The following ADK variants were observed in gnomAD, a reference collection of about 807,000 sequenced individuals.
ADK encodes the protein N6,N6-dimethyladenosine kinase.
Under a neutral mutation model 44.7 loss-of-function variants are expected in ADK, and 24 were observed. The observed-to-expected ratio is 0.54, with a 90% confidence interval of 0.39 to 0.76. The LOEUF (loss-of-function observed/expected upper bound fraction) is 0.76. Ranked by LOEUF, ADK falls within the 30% of genes least tolerant of loss-of-function variation. ADK has a pLI of 0.00. For synonymous variants in ADK, 128 were observed against 142.6 expected (o/e 0.90, Z 0.73); for missense variants, 321 against 425.1 (o/e 0.76, Z 2.15).
intron 3 of ADK, among the ~76,000 whole-genome samples, chr10:74,295,256 G>T (rs1839771081): frequency 6.6e-6 from 1 of 150,746 alleles, no homozygotes; most frequent in African/African-American, 2.4e-5. Flanking sequence ...GAGGTCAGGA[G>T]TTCGAGACCA....
chr10:74,546,634 G>A (rs1849827273), intron 7 of ADK, among the ~76,000 whole-genome samples: 1 of 151,988 alleles, frequency 6.6e-6, no homozygotes. Context: ...AGTCTCTTGA[G>A]TGTTTTATAT....
chr10:74,442,910 C>G (rs921941033), intron 6 of ADK, among the ~76,000 whole-genome samples: 1 of 152,048 alleles, frequency 6.6e-6, no homozygotes, highest in African/African-American at 2.4e-5. Flanking sequence ...ATAGGCCAGA[C>G]ACAAAAATAT....
chr10:74,331,192 G>A (rs1189000355), intron 4 of ADK, among the ~76,000 whole-genome samples: 1 of 152,048 alleles, frequency 6.6e-6, no homozygotes, highest in Non-Finnish European at 1.5e-5. Flanking sequence ...GCTGTGTTTT[G>A]CTTCTTACAG....
chr10:74,569,440 T>A (rs1238629424), intron 7 of ADK, among the ~76,000 whole-genome samples: 7 of 152,238 alleles, frequency 4.6e-5, no homozygotes, highest in Non-Finnish European at 1.0e-4. Flanking sequence ...CAGCACCTGC[T>A]GTTTCCTGAC....
At chr10:74,410,370 T>A (rs892097266) in intron 6 of ADK, among the ~76,000 whole-genome samples, 51 of 152,158 alleles carry the variant, frequency 3.4e-4, no homozygotes, top group Non-Finnish European at 4.7e-4. Context: ...AATTTTTTTT[T>A]AAAAAAGGTA....
chr10:74,438,969 A>G (rs1845292021), intron 6 of ADK, among the ~76,000 whole-genome samples: 1 of 152,240 alleles, frequency 6.6e-6, no homozygotes, highest in Non-Finnish European at 1.5e-5. Flanking sequence ...GGCTGCCTTT[A>G]TCTACATTCT....
chr10:74,221,912 A>G (rs963687622), intron 2 of ADK, among the ~76,000 whole-genome samples: 1 of 152,188 alleles, frequency 6.6e-6, no homozygotes, highest in African/African-American at 2.4e-5. Flanking sequence ...TAAAACCATA[A>G]AAACCCTAGA....
intron 3 of ADK, among the ~76,000 whole-genome samples, chr10:74,300,154 G>C (rs994166825): frequency 4.6e-5 from 7 of 151,566 alleles, no homozygotes; most frequent in Non-Finnish European, 1.0e-4. Flanking sequence ...AAAGTGTTGG[G>C]ATTATAGGTG....
chr10:74,233,019 T>G (rs1380384353), intron 3 of ADK, among the ~76,000 whole-genome samples: 1 of 152,228 alleles, frequency 6.6e-6, no homozygotes, highest in Non-Finnish European at 1.5e-5. Flanking sequence ...CTTAAAATCC[T>G]TAAAGAATTA....
chr10:74,180,152 C>T (rs929244031), intron 1 of ADK, among the ~76,000 whole-genome samples: 12 of 151,722 alleles, frequency 7.9e-5, no homozygotes. Context: ...GTCAGAATAT[C>T]TTGGGCCCCA....
chr10:74,247,395 T>C (rs1367056213), intron 3 of ADK, among the ~76,000 whole-genome samples: 5 of 151,808 alleles, frequency 3.3e-5, no homozygotes, highest in Non-Finnish European at 5.9e-5. Flanking sequence ...CGTGCCACCA[T>C]GCCTGGCTAA....
chr10:74,213,990 A>G (rs1472021519), intron 2 of ADK, among the ~76,000 whole-genome samples: 1 of 152,246 alleles, frequency 6.6e-6, no homozygotes, highest in Non-Finnish European at 1.5e-5. Context: ...TAAAAAGCAT[A>G]AGAAAAATTA....
At chr10:74,378,637 A>G (rs1422986934) in intron 4 of ADK, among the ~76,000 whole-genome samples, 1 of 152,168 alleles carries the variant, frequency 6.6e-6, no homozygotes, top group African/African-American at 2.4e-5. Flanking sequence ...TGGCATAGGG[A>G]ATGTTGGAAC....
chr10:74,221,579 A>G (rs1183404299), intron 2 of ADK, among the ~76,000 whole-genome samples: 1 of 149,260 alleles, frequency 6.7e-6, no homozygotes, highest in Non-Finnish European at 1.5e-5. Flanking sequence ...CTTAAGCCAA[A>G]AGAACAAAGC....
intron 9 of ADK, among the ~76,000 whole-genome samples, chr10:74,621,058 G>C (rs1342697805): frequency 6.6e-6 from 1 of 152,016 alleles, no homozygotes; most frequent in African/African-American, 2.4e-5. Flanking sequence ...CTATACAGAA[G>C]CTTTTCAGTT....
chr10:74,522,969 C>T (rs1848897139), intron 6 of ADK, among the ~76,000 whole-genome samples: 1 of 152,056 alleles, frequency 6.6e-6, no homozygotes, highest in Admixed American at 6.5e-5. Context: ...TCCCTGCCCA[C>T]CCTTCCCCGC....
chr10:74,496,133 G>A (rs1015546216), intron 6 of ADK, among the ~76,000 whole-genome samples: 2 of 152,152 alleles, frequency 1.3e-5, no homozygotes, highest in African/African-American at 4.8e-5. Flanking sequence ...TTTGGAGGGG[G>A]CGAGGGGGTC....
chr10:74,232,798 C>T (rs904621944), intron 3 of ADK, among the ~76,000 whole-genome samples: 21 of 152,094 alleles, frequency 1.4e-4, no homozygotes, highest in African/African-American at 5.1e-4. Flanking sequence ...GCTGATTTTT[C>T]TATTTTTAGT....
At chr10:74,352,527 G>T (rs1344708425) in intron 4 of ADK, among the ~76,000 whole-genome samples, 1 of 152,184 alleles carries the variant, frequency 6.6e-6, no homozygotes, top group Non-Finnish European at 1.5e-5. Context: ...AAGACTTCAT[G>T]ACTAAAACAC....
Sources: gnomAD v4.1 joint callset for allele counts (sites outside exome capture counted in the v4.1 genomes callset) on GRCh38, gnomAD v4.1.1 for gene constraint, MANE v1.5 for transcripts, NCBI Gene and HGNC (gene_info 2026-07-23, HGNC 2026-07-21) for gene names.